LYPD1: variants seen among roughly 807,000 people sequenced by gnomAD.
LYPD1 encodes LY6/PLAUR domain containing 1, also known as ly6/PLAUR domain-containing protein 1.
LYPD1 carries 14 observed loss-of-function variants against 14.2 expected under a neutral mutation model. The observed-to-expected ratio is 0.99, with a 90% confidence interval of 0.65 to 1.54. The LOEUF is 1.54. Among genes scored for constraint, LYPD1 ranks in the 40% most tolerant of loss-of-function variants. The pLI, the probability that LYPD1 is intolerant of heterozygous loss-of-function variation, is 0.00. For synonymous variants in LYPD1, 85 were observed against 70.6 expected (o/e 1.20, Z -1.02); for missense variants, 165 against 175.7 (o/e 0.94, Z 0.34).
At chr2:132,662,480 AG>A (rs1055015717) in intron 2 of LYPD1, among the ~76,000 whole-genome samples, 94 of 150,926 alleles carry the variant, frequency 6.2e-4, no homozygotes, top group African/African-American at 2.3e-3. Context: ...AGTAAAAAAT[AG>A]GGGTTGAAGT....
At position 132,645,504 on chromosome 2, in the gene LYPD1, G is replaced by A. The variant is rs773951316; in HGVS notation, c.*541C>T. 2 of 1,613,506 alleles carry A rather than the reference G, an allele frequency of 1.2e-6. No individual in the cohort carries two copies. Among genetic ancestry groups the A allele is most frequent in the Non-Finnish European group, 1.7e-6 (2 of 1,179,996 alleles). ...CTTTTCAGAGCGAGGCCGAGCCCCAGTCTAAGTCCCAGTCATTGAGTCTCG... is the reference window on the plus strand; with the variant it reads ...CTTTTCAGAGCGAGGCCGAGCCCCAATCTAAGTCCCAGTCATTGAGTCTCG... On this transcript the variant is annotated 3_prime_UTR_variant, in exon 3 of 3. Transcript: ENST00000397463.
At chr2:132,664,176 C>T (rs942224848) in intron 2 of LYPD1, among the ~76,000 whole-genome samples, 1 of 151,992 alleles carries the variant, frequency 6.6e-6, no homozygotes, top group Non-Finnish European at 1.5e-5. Context: ...CAGCACTGGG[C>T]CTCATTCCTG....
At position 132,669,903 on chromosome 2, in the gene LYPD1, A is replaced by C; in HGVS notation, c.30T>G (p.Phe10Leu). The C allele has an allele frequency of 6.2e-7, 1 of 1,612,920 alleles. No homozygotes were observed. The highest frequency in any genetic ancestry group is 2.2e-5 in the East Asian group (1 of 44,728). The change falls in exon 1 of 3, where the codon TTT becomes TTG. Residue 10 changes from phenylalanine to leucine, a missense_variant. Physicochemically the swap from Phe to Leu is conservative, Grantham distance 22. Transcript: ENST00000397463. This position sits in a 1 kb window ranked among gnomAD's most constrained non-coding sequence, Gnocchi z 4.3. MWVLGIAAT[F>L]CGLFLLPGFA... Reference sequence around the variant, plus strand: ...CACCTGGAAGCAAGAACAATCCGCAAAAAGTTGCCGCGATGCCTAGGACCC... The same window carrying C: ...CACCTGGAAGCAAGAACAATCCGCACAAAGTTGCCGCGATGCCTAGGACCC...
Position 132,647,319 on chromosome 2 carries a change from T to C in LYPD1, c.191-1039A>G, listed in dbSNP as rs550180274. On this transcript the variant is annotated intron_variant, in intron 2 of 2. Transcript: ENST00000397463. Reference sequence around the variant, plus strand: ...AACCCAGCATTCTGGCTCCATGCTGTCAAGACGGTGTTTACTGTATAGCAG... The same window carrying C: ...AACCCAGCATTCTGGCTCCATGCTGCCAAGACGGTGTTTACTGTATAGCAG... Among the ~76,000 whole-genome samples the C allele has an allele frequency of 3.9e-4, 59 of 152,360 alleles. No individual in the cohort carries two copies. The South Asian group carries it at 0.012, about 30-fold the overall frequency.
chr2:132,646,469 T>G (rs932864845), intron 2 of LYPD1, 189 bp from the exon 3 acceptor site: 100 of 407,216 alleles, frequency 2.5e-4, no homozygotes, highest in Non-Finnish European at 4.2e-4. Context: ...ACAGGCACTA[T>G]TTCATTAGTT....
At position 132,645,709 on chromosome 2, in the gene LYPD1, G is replaced by A. The variant is rs1682031712; in HGVS notation, c.*336C>T. The A allele has an allele frequency of 2.1e-6, 3 of 1,441,948 alleles. No individual in the cohort carries two copies. Among genetic ancestry groups the A allele is most frequent in the Non-Finnish European group, 2.8e-6 (3 of 1,075,790 alleles). 89.3% of individuals were successfully genotyped at this position (1,441,948 alleles called of 1,614,324 possible). ...ACTATGCCCCCATCAGGGATGGAAT[G>A]GACACTGGAGGCTTTACAAAAGGCA... On this transcript the variant is annotated 3_prime_UTR_variant, in exon 3 of 3. Coordinates refer to ENST00000397463, the MANE Select transcript of LYPD1 (RefSeq NM_144586.7).
At chr2:132,650,840 T>C (rs1682336404) in intron 2 of LYPD1, among the ~76,000 whole-genome samples, 1 of 152,144 alleles carries the variant, frequency 6.6e-6, no homozygotes, top group African/African-American at 2.4e-5. Flanking sequence ...ACTCTAGCAA[T>C]AATCCTCATT....
At chr2:132,647,678 T>TTG (rs1682178014) in intron 2 of LYPD1, among the ~76,000 whole-genome samples, 3 of 152,182 alleles carry the variant, frequency 2.0e-5, no homozygotes, top group Non-Finnish European at 2.9e-5. Flanking sequence ...GGATAGATGA[T>TTG]AGTGTTTAAT....
chr2:132,651,853 A>G (rs943767654), intron 2 of LYPD1, among the ~76,000 whole-genome samples: 1 of 152,256 alleles, frequency 6.6e-6, no homozygotes, highest in African/African-American at 2.4e-5. Context: ...CAAGAGGTCC[A>G]GAGGCAATGC....
chr2:132,654,399 C>CA (rs3043653), intron 2 of LYPD1, among the ~76,000 whole-genome samples: 2,865 of 138,050 alleles, frequency 0.021, 38 homozygotes, highest in African/African-American at 0.043. Flanking sequence ...GACCCTGTCT[C>CA]AAAAAAAAAA....
Position 132,645,900 on chromosome 2 carries a change from A to G in LYPD1, c.*145T>C. ...GAATGCTTTACCGAGCTCTTTCATT[A>G]TTTGCACAGGAACAAAAGAGAACAC... On this transcript the variant is annotated 3_prime_UTR_variant, in exon 3 of 3. Transcript: ENST00000397463. 1 of 682,356 alleles carries G rather than the reference A, an allele frequency of 1.5e-6. No homozygotes were observed. Among genetic ancestry groups the G allele is most frequent in the South Asian group, 2.2e-5 (1 of 44,938 alleles). The allele number at this position is 682,356 out of a possible 1,614,324, so 42.3% of individuals were successfully genotyped here.
At chr2:132,659,504 C>T (rs77236224) in intron 2 of LYPD1, among the ~76,000 whole-genome samples, 4,106 of 152,276 alleles carry the variant, frequency 0.027, 191 homozygotes, top group African/African-American at 0.093. Context: ...GATGTGATGC[C>T]AGGCAAACTG....
At chr2:132,646,301 A>G in intron 2 of LYPD1, 21 bp from the exon 3 acceptor site, 1 of 1,422,984 alleles carries the variant, frequency 7.0e-7, no homozygotes, top group Non-Finnish European at 9.3e-7. Flanking sequence ...GACCCAAAGG[A>G]GCTGAGTTAA....
chr2:132,667,376 C>G (rs1186237226), intron 2 of LYPD1, among the ~76,000 whole-genome samples: 1 of 152,158 alleles, frequency 6.6e-6, no homozygotes, highest in Non-Finnish European at 1.5e-5. Flanking sequence ...ATGACATTTC[C>G]AGGCCCTTCT....
intron 2 of LYPD1, among the ~76,000 whole-genome samples, chr2:132,660,805 A>G (rs1682884528): frequency 6.6e-6 from 1 of 152,232 alleles, no homozygotes; most frequent in African/African-American, 2.4e-5. Context: ...AGTTCTGCCT[A>G]TACAAAGGCT....
chr2:132,651,063 G>A (rs898285144), intron 2 of LYPD1, among the ~76,000 whole-genome samples: 2 of 152,194 alleles, frequency 1.3e-5, no homozygotes, highest in Non-Finnish European at 2.9e-5. Flanking sequence ...GCATAAAAAT[G>A]TATGGAAAAA....
upstream of LYPD1, among the ~76,000 whole-genome samples, chr2:132,670,585 G>T (rs1044215732): frequency 2.0e-5 from 3 of 152,234 alleles, no homozygotes; most frequent in Non-Finnish European, 4.4e-5. The surrounding 1 kb of genome is among the most constrained non-coding windows in gnomAD (Gnocchi z 4.5). Flanking sequence ...TCCAGGACTG[G>T]TCGGTACCCC....
intron 2 of LYPD1, among the ~76,000 whole-genome samples, chr2:132,657,570 A>G (rs1194088956): frequency 6.6e-6 from 1 of 152,200 alleles, no homozygotes; most frequent in Non-Finnish European, 1.5e-5. Context: ...GAATGAACTG[A>G]GAACATCTAA....
Position 132,646,246 on chromosome 2 carries a change from C to T in LYPD1, c.225G>A (p.Ala75=), listed in dbSNP as rs201249597. The change falls in exon 3 of 3, where the codon GCG becomes GCA. Residue 75 remains alanine, a synonymous_variant. Transcript: ENST00000397463. ...ACCCGGCAGAGGCGATGAGACAGGCCGCTGATGATGCACAGGACTTGCGGT... is the reference window on the plus strand; with the variant it reads ...ACCCGGCAGAGGCGATGAGACAGGCTGCTGATGATGCACAGGACTTGCGGT... ...IMYRKSCASS[A]ACLIASAGYQ... The T allele has an allele frequency of 6.7e-4, 1,063 of 1,575,660 alleles. 6 individuals are homozygous for T. The highest frequency in any genetic ancestry group is 3.8e-3 in the Middle Eastern group (22 of 5,850).
Sources: allele counts gnomAD v4.1 joint callset (sites outside exome capture counted in the v4.1 genomes callset), GRCh38; gene constraint gnomAD v4.1.1; non-coding constraint Gnocchi (gnomAD v3.1); transcripts MANE v1.5; gene names NCBI Gene and HGNC (gene_info 2026-07-23, HGNC 2026-07-21).